The following CACUL1 variants were observed in gnomAD, a reference collection of about 807,000 sequenced individuals.
CACUL1 encodes CDK2-associated and cullin domain-containing protein 1.
CACUL1 carries 13 observed loss-of-function variants against 45.2 expected under a neutral mutation model. That is an observed-to-expected ratio of 0.29 (90% CI 0.19 to 0.46). The LOEUF is 0.46. CACUL1 is among the 20% of genes least tolerant of loss of function. The pLI, the probability that CACUL1 is intolerant of heterozygous loss-of-function variation, is 1.00. For missense variants in CACUL1, 421 were observed against 471.4 expected, an observed-to-expected ratio of 0.89 and a Z score of 0.99; for synonymous variants, 197 against 174.2, an observed-to-expected ratio of 1.13 and a Z score of -1.03.
chr10:118,737,566 CA>C (rs1263303462), intron 1 of CACUL1, among the ~76,000 whole-genome samples: 2 of 152,010 alleles, frequency 1.3e-5, no homozygotes, highest in African/African-American at 4.8e-5. Context: ...CCTCGTCCCC[CA>C]AAACACTGTA....
chr10:118,702,725 G>C (rs1319973364), intron 4 of CACUL1, among the ~76,000 whole-genome samples: 2 of 151,784 alleles, frequency 1.3e-5, no homozygotes, highest in Admixed American at 6.6e-5. Context: ...TGGATTACAG[G>C]CGTATACCAC....
intron 3 of CACUL1, among the ~76,000 whole-genome samples, chr10:118,713,034 AG>A (rs1477417207): frequency 1.3e-5 from 2 of 152,212 alleles, no homozygotes; most frequent in Non-Finnish European, 2.9e-5. Flanking sequence ...CCCAGGCTGT[AG>A]GTGCCAAGGG....
At chr10:118,747,432 C>T (rs1252323821) in intron 1 of CACUL1, among the ~76,000 whole-genome samples, 1 of 151,534 alleles carries the variant, frequency 6.6e-6, no homozygotes, top group Non-Finnish European at 1.5e-5. Context: ...CACACCAAAC[C>T]TTGTACATGG....
At chr10:118,711,922 C>A (rs1188924801) in intron 3 of CACUL1, among the ~76,000 whole-genome samples, 2 of 151,618 alleles carry the variant, frequency 1.3e-5, no homozygotes, top group East Asian at 1.9e-4. Flanking sequence ...AGAAAAAAAA[C>A]CTAATCAAAT....
intron 1 of CACUL1, among the ~76,000 whole-genome samples, chr10:118,733,274 C>A (rs1845713771): frequency 1.3e-5 from 2 of 152,110 alleles, no homozygotes; most frequent in Admixed American, 6.5e-5. Flanking sequence ...GACTTAAAAA[C>A]CAAATTGAAA....
chr10:118,721,608 C>A (rs1264540375), intron 3 of CACUL1, among the ~76,000 whole-genome samples: 2 of 152,034 alleles, frequency 1.3e-5, no homozygotes, highest in Non-Finnish European at 2.9e-5. Flanking sequence ...TCAACAGGAC[C>A]CTGAATGCAG....
At chr10:118,686,536 G>A (rs1203970357) in intron 8 of CACUL1, 62 bp downstream of exon 8, 9 of 1,204,032 alleles carry the variant, frequency 7.5e-6, no homozygotes, top group Non-Finnish European at 9.9e-6. Context: ...TTATCACAGT[G>A]CATTAATATG....
chr10:118,753,484 G>A (rs1206867089), intron 1 of CACUL1, among the ~76,000 whole-genome samples: 2 of 152,142 alleles, frequency 1.3e-5, no homozygotes, highest in Non-Finnish European at 2.9e-5. Context: ...TGGCTGTGAT[G>A]GTCACAATCA....
At chr10:118,700,568 T>A (rs1182700957) in intron 5 of CACUL1, among the ~76,000 whole-genome samples, 1 of 151,660 alleles carries the variant, frequency 6.6e-6, no homozygotes, top group African/African-American at 2.4e-5. Flanking sequence ...ATAGAAAAAA[T>A]TAACCAGGCA....
chr10:118,748,875 T>C lies in CACUL1; in HGVS notation c.367+5521A>G, dbSNP rs1845869618. On this transcript the variant is annotated intron_variant, in intron 1 of 8. Transcript: ENST00000369151. ...CATCAAACTGCACACCTAAAATGGG[T>C]ACACTATATTGAATGGAGGAGAAGA... Among the ~76,000 whole-genome samples the C allele has an allele frequency of 2.0e-5, 3 of 151,988 alleles. No homozygotes were observed. In the South Asian group the frequency reaches 6.2e-4, roughly 32 times the overall value.
At chr10:118,748,910 G>A (rs1845870069) in intron 1 of CACUL1, among the ~76,000 whole-genome samples, 2 of 152,098 alleles carry the variant, frequency 1.3e-5, no homozygotes, top group African/African-American at 2.4e-5. Context: ...AGGTGTGGAG[G>A]AAGAAAATGG....
At chr10:118,709,962 G>A (rs534286993) in intron 3 of CACUL1, among the ~76,000 whole-genome samples, 64 of 152,000 alleles carry the variant, frequency 4.2e-4, no homozygotes, top group South Asian at 1.0e-3. Context: ...CTGGAGTGCA[G>A]TACCATGATT....
At position 118,754,702 on chromosome 10, in the gene CACUL1, T is replaced by C; in HGVS notation, c.61A>G (p.Asn21Asp). ...ACCGCAGCCTCCCAGTTGTTGTGGT[T>C]CTGGTCGTCCATCATCGCCTCGTAG... ...GSYEAMMDDQ[N>D]HNNWEAAVDG... The change falls in exon 1 of 9, where the codon AAC (asparagine) becomes GAC (aspartate). Residue 21 changes from asparagine to aspartate, a missense_variant. By Grantham distance (23) the Asn-to-Asp change is conservative (BLOSUM62 1). Coordinates refer to ENST00000369151, the MANE Select transcript of CACUL1 (RefSeq NM_153810.5). The C allele has an allele frequency of 6.2e-7, 1 of 1,607,364 alleles. No individual in the cohort carries two copies. Among genetic ancestry groups the C allele is most frequent in the Non-Finnish European group, 8.5e-7 (1 of 1,177,484 alleles).
intron 3 of CACUL1, among the ~76,000 whole-genome samples, chr10:118,710,619 A>G (rs1444045436): frequency 6.6e-6 from 1 of 152,118 alleles, no homozygotes; most frequent in Non-Finnish European, 1.5e-5. Context: ...TATCTGAACT[A>G]CATGGCCCTT....
intron 1 of CACUL1, among the ~76,000 whole-genome samples, chr10:118,751,005 C>A (rs1370029015): frequency 6.6e-6 from 1 of 152,174 alleles, no homozygotes; most frequent in Non-Finnish European, 1.5e-5. Context: ...TTTTCCATTA[C>A]TATTTTAATA....
At chr10:118,713,959 T>A (rs745422774) in intron 3 of CACUL1, among the ~76,000 whole-genome samples, 2 of 152,206 alleles carry the variant, frequency 1.3e-5, no homozygotes, top group Non-Finnish European at 2.9e-5. Context: ...ATAATAAAAA[T>A]TAAAACTAAG....
intron 6 of CACUL1, among the ~76,000 whole-genome samples, chr10:118,693,972 T>C (rs1259653594): frequency 1.3e-5 from 2 of 152,144 alleles, no homozygotes; most frequent in African/African-American, 4.8e-5. Flanking sequence ...TGGAGTGCAG[T>C]GGTACAATCA....
At chr10:118,736,474 C>T (rs992527598) in intron 1 of CACUL1, among the ~76,000 whole-genome samples, 8 of 151,926 alleles carry the variant, frequency 5.3e-5, no homozygotes, top group African/African-American at 1.5e-4. Context: ...CAACCTCTCC[C>T]TCTGGGGCTC....
At position 118,736,556 on chromosome 10, in the gene CACUL1, G is replaced by A. The variant is rs548021919; in HGVS notation, c.368-6146C>T. 2.7e-5 allele frequency among the ~76,000 whole-genome samples: 4 copies of A among 148,166 alleles called. No individual in the cohort carries two copies. In the East Asian group the frequency reaches 5.8e-4, roughly 22 times the overall value. On this transcript the variant is annotated intron_variant, in intron 1 of 8. Transcript: ENST00000369151. Reference sequence around the variant, plus strand: ...GAGGTTTTGCCATGTTCCCCAGGCTGGTCTTAAAACTCCTGGGCTCAAGTG... The same window carrying A: ...GAGGTTTTGCCATGTTCCCCAGGCTAGTCTTAAAACTCCTGGGCTCAAGTG...
Sources: allele counts gnomAD v4.1 joint callset (sites outside exome capture counted in the v4.1 genomes callset), GRCh38; gene constraint gnomAD v4.1.1; transcripts MANE v1.5; gene names NCBI Gene and HGNC (gene_info 2026-07-23, HGNC 2026-07-21).